STX18: variants seen among roughly 807,000 people sequenced by gnomAD.
STX18 encodes syntaxin-18.
STX18 carries 40 observed loss-of-function variants against 50.1 expected under a neutral mutation model. The ratio of observed to expected loss-of-function variants is 0.80; its 90% CI spans 0.62 to 1.04. The LOEUF (loss-of-function observed/expected upper bound fraction) is 1.04. STX18 is among the 50% of genes least tolerant of loss of function. STX18 has a pLI of 0.00. For missense variants in STX18, 410 were observed against 415.8 expected (o/e 0.99, Z 0.12); for synonymous variants, 158 against 151.8 (o/e 1.04, Z -0.30).
chr4:4,520,792 T>G (rs1730472210), intron 1 of STX18, among the ~76,000 whole-genome samples: 1 of 152,046 alleles, frequency 6.6e-6, no homozygotes, highest in African/African-American at 2.4e-5. Context: ...CCAAGATAAA[T>G]AAATGTACTC....
At chr4:4,531,528 C>T (rs1380290491) in intron 1 of STX18, among the ~76,000 whole-genome samples, 1 of 152,146 alleles carries the variant, frequency 6.6e-6, no homozygotes, top group Non-Finnish European at 1.5e-5. Flanking sequence ...TACAATGGCT[C>T]TCGAGGCCTC....
rs551313965 is a variant in STX18 at position 4,496,463 on chromosome 4, C to T, written c.169-24757G>A. ...AAGGGCTCCTAAATTCACCCCCTTT[C>T]GCTCACCCCATCAGCCTCGCTCTTG... On this transcript the variant is annotated intron_variant, in intron 1 of 10. Coordinates refer to ENST00000306200, the MANE Select transcript of STX18 (RefSeq NM_016930.4). 9.2e-5 allele frequency among the ~76,000 whole-genome samples: 14 copies of T among 152,284 alleles called. No homozygotes were observed. The South Asian group carries it at 2.5e-3, about 27-fold the overall frequency.
intron 1 of STX18, among the ~76,000 whole-genome samples, chr4:4,504,950 A>T (rs567757916): frequency 2.6e-5 from 4 of 152,366 alleles, no homozygotes; most frequent in African/African-American, 9.6e-5. Context: ...CAAACAATTC[A>T]TCCATTTAAA....
chr4:4,466,929 A>C (rs1727646605), intron 2 of STX18, among the ~76,000 whole-genome samples: 1 of 151,976 alleles, frequency 6.6e-6, no homozygotes, highest in Non-Finnish European at 1.5e-5. Context: ...GGGCTAGGGA[A>C]TGGGGAATGC....
chr4:4,518,386 A>G (rs1158200309), intron 1 of STX18, among the ~76,000 whole-genome samples: 1 of 152,198 alleles, frequency 6.6e-6, no homozygotes, highest in Non-Finnish European at 1.5e-5. Context: ...TGTATAGAAA[A>G]CTATGACAGA....
chr4:4,496,303 A>G (rs1010537419), intron 1 of STX18, among the ~76,000 whole-genome samples: 1 of 152,138 alleles, frequency 6.6e-6, no homozygotes, highest in African/African-American at 2.4e-5. Flanking sequence ...TCACAACTTG[A>G]TAATCCCCCA....
intron 1 of STX18, among the ~76,000 whole-genome samples, chr4:4,541,192 T>C (rs906264057): frequency 6.6e-6 from 1 of 152,068 alleles, no homozygotes; most frequent in African/African-American, 2.4e-5. Flanking sequence ...AAGGAAAAGG[T>C]TCCTGTTCCC....
intron 1 of STX18, among the ~76,000 whole-genome samples, chr4:4,541,465 CCT>C (rs1003253886): frequency 1.3e-5 from 2 of 152,122 alleles, no homozygotes; most frequent in African/African-American, 4.8e-5. Flanking sequence ...GGAGGTTTCC[CCT>C]GAGTGCAAGT....
chr4:4,500,530 TG>T (rs1168248369), intron 1 of STX18, among the ~76,000 whole-genome samples: 1 of 152,212 alleles, frequency 6.6e-6, no homozygotes, highest in African/African-American at 2.4e-5. Context: ...ACCAGCAACC[TG>T]AGCATCCACA....
At chr4:4,485,781 G>A (rs1371297577) in intron 1 of STX18, among the ~76,000 whole-genome samples, 4 of 151,758 alleles carry the variant, frequency 2.6e-5, no homozygotes, top group African/African-American at 9.7e-5. Context: ...CACCTACAGC[G>A]TGCAGCCTGT....
In STX18 at chr4:4,471,722, A is replaced by G. The variant is rs1183058035; in HGVS notation, c.169-16T>C. 1 of 1,556,690 alleles carries G rather than the reference A, an allele frequency of 6.4e-7. No individual in the cohort carries two copies. The highest frequency in any genetic ancestry group is 2.3e-5 in the East Asian group (1 of 44,406). The stretch of plus-strand genomic sequence containing the variant: ...TGTGAGAAATCTAAAATTAAAAAAG[A>G]AAGCCAACAGTTTATATAGATATGT... On this transcript the variant is annotated splice_polypyrimidine_tract_variant and intron_variant, in intron 1 of 10. Transcript: ENST00000306200.
chr4:4,469,917 T>C (rs918168391), intron 2 of STX18, among the ~76,000 whole-genome samples: 3 of 152,178 alleles, frequency 2.0e-5, no homozygotes, highest in South Asian at 2.1e-4. Flanking sequence ...GCCACCTCGA[T>C]GGGGCCTTCC....
chr4:4,435,029 A>G (rs983296678), intron 6 of STX18, among the ~76,000 whole-genome samples, 171 bp from the exon 7 acceptor site: 2 of 152,128 alleles, frequency 1.3e-5, no homozygotes, highest in Non-Finnish European at 2.9e-5. Flanking sequence ...TTCTTTCACA[A>G]CATTTAGGCT....
intron 5 of STX18, among the ~76,000 whole-genome samples, chr4:4,453,396 C>T (rs1047055773): frequency 6.6e-6 from 1 of 152,324 alleles, no homozygotes; most frequent in East Asian, 1.9e-4. Context: ...TGAGGCAAGG[C>T]CCTCTACCAA....
At chr4:4,475,962 T>C (rs746961150) in intron 1 of STX18, among the ~76,000 whole-genome samples, 7 of 152,212 alleles carry the variant, frequency 4.6e-5, no homozygotes, top group Non-Finnish European at 8.8e-5. Context: ...AGTGCTAATT[T>C]TGGAAGAGTC....
chr4:4,483,203 A>C (rs563490751), intron 1 of STX18, among the ~76,000 whole-genome samples: 1 of 152,332 alleles, frequency 6.6e-6, no homozygotes, highest in East Asian at 1.9e-4. Flanking sequence ...TGGAACGTAT[A>C]GCTTCCTTTC....
chr4:4,498,122 A>G (rs763853407), intron 1 of STX18, among the ~76,000 whole-genome samples: 3 of 152,192 alleles, frequency 2.0e-5, no homozygotes, highest in Non-Finnish European at 4.4e-5. Flanking sequence ...TTTCTAGATA[A>G]GGGGAATTCT....
At chr4:4,445,905 G>A (rs1043374299) in intron 5 of STX18, among the ~76,000 whole-genome samples, 3 of 152,040 alleles carry the variant, frequency 2.0e-5, no homozygotes, top group Admixed American at 6.5e-5. Context: ...AAATTTGAAG[G>A]ATTTACAACT....
chr4:4,500,500 C>T (rs1195678893), intron 1 of STX18, among the ~76,000 whole-genome samples: 1 of 152,096 alleles, frequency 6.6e-6, no homozygotes, highest in Non-Finnish European at 1.5e-5. Flanking sequence ...GTAGGTTATA[C>T]ACAAATACTG....
Sources: allele counts gnomAD v4.1 joint callset (sites outside exome capture counted in the v4.1 genomes callset), GRCh38; gene constraint gnomAD v4.1.1; transcripts MANE v1.5; gene names NCBI Gene and HGNC (gene_info 2026-07-23, HGNC 2026-07-21).